The following CHCHD3 variants were observed in gnomAD, a reference collection of about 807,000 sequenced individuals.
The protein encoded by CHCHD3 is MICOS complex subunit MIC19.
In CHCHD3, 20 loss-of-function variants were observed where a neutral mutation model predicts 38.2. The observed-to-expected ratio is 0.52, with a 90% CI of 0.37 to 0.76. The LOEUF (loss-of-function observed/expected upper bound fraction) is 0.76, where lower values mean the gene tolerates loss of function less well. Ranked by LOEUF, CHCHD3 falls within the 30% of genes least tolerant of loss-of-function variation. CHCHD3 has a pLI of 0.00. For synonymous variants in CHCHD3, 82 were observed against 100.0 expected (o/e 0.82, Z 1.07); for missense variants, 245 against 279.2 (o/e 0.88, Z 0.87).
chr7:132,798,978 G>A (rs1371825443), intron 6 of CHCHD3, among the ~76,000 whole-genome samples: 3 of 151,144 alleles, frequency 2.0e-5, no homozygotes, highest in Admixed American at 2.0e-4. Flanking sequence ...CACTTCCAGG[G>A]CTCTTGATTT....
chr7:132,938,409 C>T (rs1306956453), intron 4 of CHCHD3, among the ~76,000 whole-genome samples: 1 of 152,120 alleles, frequency 6.6e-6, no homozygotes, highest in African/African-American at 2.4e-5. Context: ...CGTAATACAT[C>T]TATTCCCAAA....
chr7:132,827,695 C>G (rs375302673), intron 6 of CHCHD3, among the ~76,000 whole-genome samples: 1 of 152,150 alleles, frequency 6.6e-6, no homozygotes, highest in Non-Finnish European at 1.5e-5. Flanking sequence ...GCTTGGGTCC[C>G]TTTCCAATCA....
chr7:132,993,778 A>G (rs1411821338), intron 3 of CHCHD3, among the ~76,000 whole-genome samples: 1 of 152,216 alleles, frequency 6.6e-6, no homozygotes, highest in Non-Finnish European at 1.5e-5. Context: ...AGGTTATCTC[A>G]GGAACAGTCA....
intron 4 of CHCHD3, among the ~76,000 whole-genome samples, chr7:132,911,144 A>G (rs2117219641): frequency 6.6e-6 from 1 of 152,262 alleles, no homozygotes; most frequent in African/African-American, 2.4e-5. Flanking sequence ...AGTCCAGTAG[A>G]CTCACAAGGC....
At chr7:132,821,006 T>C (rs563828581) in intron 6 of CHCHD3, among the ~76,000 whole-genome samples, 2 of 152,344 alleles carry the variant, frequency 1.3e-5, no homozygotes, top group Admixed American at 6.5e-5. Flanking sequence ...ATTATTATTT[T>C]GAGTAGTGCT....
intron 4 of CHCHD3, among the ~76,000 whole-genome samples, chr7:132,952,404 A>T (rs1811055333): frequency 6.6e-6 from 1 of 152,314 alleles, no homozygotes; most frequent in South Asian, 2.1e-4. Flanking sequence ...TTCCACCTGC[A>T]TCCACAATTG....
At chr7:132,972,580 T>A (rs1465474953) in intron 4 of CHCHD3, 1 of 984,994 alleles carries the variant, frequency 1.0e-6, no homozygotes, top group East Asian at 1.1e-4. Context: ...AAGGGAGAAA[T>A]CTGGTAAATA....
At chr7:133,066,544 C>T (rs1814676488) in intron 2 of CHCHD3, among the ~76,000 whole-genome samples, 1 of 152,098 alleles carries the variant, frequency 6.6e-6, no homozygotes, top group Admixed American at 6.6e-5. Context: ...CATGAGCCAC[C>T]AAGCCTGGCC....
intron 2 of CHCHD3, chr7:133,034,701 T>G (rs892506251): frequency 2.5e-6 from 4 of 1,613,208 alleles, no homozygotes; most frequent in African/African-American, 1.3e-5. Context: ...CTGGGTCTCC[T>G]CTCTGCCAGG....
chr7:132,856,915 G>T (rs1195913675), intron 5 of CHCHD3, among the ~76,000 whole-genome samples: 1 of 152,158 alleles, frequency 6.6e-6, no homozygotes, highest in Non-Finnish European at 1.5e-5. Flanking sequence ...ATAAGAGACT[G>T]AAGTTTTCTA....
At chr7:132,890,083 G>C (rs1259460854) in intron 4 of CHCHD3, among the ~76,000 whole-genome samples, 1 of 152,100 alleles carries the variant, frequency 6.6e-6, no homozygotes, top group African/African-American at 2.4e-5. Context: ...TAACTGGGCT[G>C]GAAAATGTGA....
intron 4 of CHCHD3, among the ~76,000 whole-genome samples, chr7:132,903,642 G>A (rs1297791419): frequency 1.3e-5 from 2 of 152,164 alleles, no homozygotes; most frequent in African/African-American, 4.8e-5. Flanking sequence ...CTTGCCTTCT[G>A]GGGAAGTCAG....
intron 4 of CHCHD3, among the ~76,000 whole-genome samples, chr7:132,944,403 G>A (rs1011845910): frequency 1.3e-5 from 2 of 150,012 alleles, no homozygotes; most frequent in Admixed American, 6.7e-5. Flanking sequence ...TAGCATTGTC[G>A]GGAATAGTAA....
intron 4 of CHCHD3, among the ~76,000 whole-genome samples, chr7:132,943,722 T>C (rs932329150): frequency 3.5e-4 from 53 of 152,262 alleles, no homozygotes; most frequent in African/African-American, 1.3e-3. Flanking sequence ...AACTTATATA[T>C]GCAAACAATG....
chr7:133,004,081 G>A (rs6467457), intron 3 of CHCHD3, among the ~76,000 whole-genome samples: 67,202 of 151,462 alleles, frequency 0.44, 15,101 homozygotes, highest in East Asian at 0.55. Flanking sequence ...CTCCCAAGTA[G>A]CTGGGATTAC....
intron 3 of CHCHD3, among the ~76,000 whole-genome samples, chr7:133,000,979 G>C (rs1812555383): frequency 6.6e-6 from 1 of 152,108 alleles, no homozygotes; most frequent in African/African-American, 2.4e-5. Context: ...GCAATACAGA[G>C]GTACATGTTA....
chr7:132,960,004 A>G (rs1811273682), intron 4 of CHCHD3, among the ~76,000 whole-genome samples: 1 of 152,212 alleles, frequency 6.6e-6, no homozygotes, highest in African/African-American at 2.4e-5. Flanking sequence ...TCCAGAATAG[A>G]GCTTGAAAAA....
intron 4 of CHCHD3, among the ~76,000 whole-genome samples, chr7:132,966,127 T>C (rs919267756): frequency 6.6e-6 from 1 of 152,260 alleles, no homozygotes; most frequent in Non-Finnish European, 1.5e-5. Flanking sequence ...CATTTTTCTA[T>C]TAAAATGATG....
intron 1 of CHCHD3, among the ~76,000 whole-genome samples, chr7:133,072,698 G>A (rs919036304): frequency 6.6e-6 from 1 of 151,992 alleles, no homozygotes; most frequent in African/African-American, 2.4e-5. Flanking sequence ...AATTAGCTGG[G>A]CGTGGTGGCG....
Sources: allele counts gnomAD v4.1 joint callset (sites outside exome capture counted in the v4.1 genomes callset), GRCh38; gene constraint gnomAD v4.1.1; transcripts MANE v1.5; gene names NCBI Gene and HGNC (gene_info 2026-07-23, HGNC 2026-07-21).